PDE6G: variants seen among roughly 807,000 people sequenced by gnomAD.
PDE6G encodes phosphodiesterase 6G.
Under a neutral mutation model 10.9 loss-of-function variants are expected in PDE6G, and 10 were observed. The ratio of observed to expected loss-of-function variants is 0.91; its 90% CI spans 0.56 to 1.55. The LOEUF (loss-of-function observed/expected upper bound fraction) is 1.55, where lower values mean the gene tolerates loss of function less well. PDE6G is among the 40% of genes most tolerant of loss of function. The probability of loss-of-function intolerance (pLI) is 0.00; values close to 1 mark genes in which losing one functional copy is unlikely to be tolerated. For missense variants in PDE6G, 102 were observed against 110.1 expected (o/e 0.93, Z 0.33); for synonymous variants, 41 against 42.8 (o/e 0.96, Z 0.16).
rs892999230 is a variant in PDE6G, at chr17:81,651,455, C to T, written c.187+190G>A. On this transcript the variant is annotated intron_variant, in intron 3 of 3. Transcript: ENST00000331056. The surrounding 1 kb of genome is among the most constrained non-coding windows in gnomAD (Gnocchi z 4.8). ...CTGGTGCAAGTGTCCCAAATGGGGA[C>T]AGCCCCACCCTCTAGATCCAGTGGA... Among the ~76,000 whole-genome samples the T allele has an allele frequency of 3.3e-5, 5 of 151,962 alleles. No homozygotes were observed. The highest frequency in any genetic ancestry group is 7.3e-5 in the African/African-American group (3 of 41,346).
At position 81,653,643 on chromosome 17, in the gene PDE6G, C is replaced by T. The variant is rs576278042; in HGVS notation, c.-59-279G>A. ...TCCTGGCCTCCCTCGCCCCGGCCCA[C>T]AATCCACAGCAAACCTAGCCTCCCA... On this transcript the variant is annotated intron_variant, in intron 1 of 3. Coordinates refer to ENST00000331056, the MANE Select transcript of PDE6G (RefSeq NM_002602.4). The surrounding 1 kb of genome is among the most constrained non-coding windows in gnomAD (Gnocchi z 5.2). 2.4e-5 allele frequency: 9 copies of T among 380,722 alleles called. No individual in the cohort carries two copies. The East Asian group carries it at 4.5e-4, about 19-fold the overall frequency. 23.6% of individuals were successfully genotyped at this position (380,722 alleles called of 1,614,324 possible).
rs2036395358 is a variant in PDE6G at position 81,653,321 on chromosome 17, G to A, written c.-16C>T. 1 of 1,611,014 alleles carries A rather than the reference G, an allele frequency of 6.2e-7. No individual in the cohort carries two copies. The highest frequency in any genetic ancestry group is 1.7e-5 in the Admixed American group (1 of 60,008). ...CCAGGTTCATGGTGAGGCTGACGGA[G>A]ACACCGCGGCAACCTTGGCTCCTGG... On this transcript the variant is annotated 5_prime_UTR_variant, in exon 2 of 4. Coordinates refer to ENST00000331056, the MANE Select transcript of PDE6G (RefSeq NM_002602.4). This position sits in a 1 kb window ranked among gnomAD's most constrained non-coding sequence, Gnocchi z 5.2.
chr17:81,661,858 C>CAAA (rs33915100), intron 1 of PDE6G, among the ~76,000 whole-genome samples: 17 of 65,358 alleles, frequency 2.6e-4, no homozygotes, highest in East Asian at 9.2e-4. Flanking sequence ...GACTCTGTCT[C>CAAA]AAAAAAAAAA....
At chr17:81,652,155 G>A (rs989759595) in intron 2 of PDE6G, among the ~76,000 whole-genome samples, 4 of 151,496 alleles carry the variant, frequency 2.6e-5, no homozygotes, top group Non-Finnish European at 5.9e-5. Flanking sequence ...GCCTGTGTGC[G>A]CACACGAGTG....
At chr17:81,657,750 A>G (rs1015273318), upstream of PDE6G, among the ~76,000 whole-genome samples, 6 of 151,894 alleles carry the variant, frequency 4.0e-5, no homozygotes, top group African/African-American at 7.3e-5. Context: ...GCGTGGTGGC[A>G]TGTACCTGTA....
intron 1 of PDE6G, among the ~76,000 whole-genome samples, chr17:81,654,822 A>G (rs2036422151): frequency 6.8e-6 from 1 of 146,872 alleles, no homozygotes; most frequent in African/African-American, 2.5e-5. Flanking sequence ...ATCTCAGCTC[A>G]CTGCAAGCTC....
intron 1 of PDE6G, among the ~76,000 whole-genome samples, chr17:81,662,188 C>T (rs2036518663): frequency 6.6e-6 from 1 of 152,098 alleles, no homozygotes; most frequent in Non-Finnish European, 1.5e-5. Context: ...CCACGTTGGG[C>T]ACATGTTGCC....
rs772515553 is a variant in PDE6G, at chr17:81,651,093, G to C, written c.245C>G (p.Ala82Gly). 6.2e-7 allele frequency: 1 copy of C among 1,613,432 alleles called. No homozygotes were observed. Among genetic ancestry groups the C allele is most frequent in the South Asian group, 1.1e-5 (1 of 91,078 alleles). The change falls in exon 4 of 4, where the codon GCC becomes GGC. Residue 82 changes from alanine (A) to glycine (G), a missense_variant. By Grantham distance (60) the Ala-to-Gly change is moderately conservative. Transcript: ENST00000331056. The surrounding 1 kb of genome is among the most constrained non-coding windows in gnomAD (Gnocchi z 4.8). ...AFNHLELHEL[A>G]QYGII ...CTCGTGCTAGATGATGCCATATTGG[G>C]CCAGCTCGTGCAGCTCCAGGTGGTT...
intron 1 of PDE6G, among the ~76,000 whole-genome samples, chr17:81,656,001 CT>C (rs1191705941): frequency 6.6e-6 from 1 of 152,162 alleles, no homozygotes; most frequent in African/African-American, 2.4e-5. Flanking sequence ...AAAACCAGCA[CT>C]CAGGAGCCCG....
chr17:81,655,791 C>T (rs1394912880), intron 1 of PDE6G, among the ~76,000 whole-genome samples: 1 of 152,222 alleles, frequency 6.6e-6, no homozygotes. Context: ...TTCCTGACTC[C>T]AGCCCTGGGC....
At chr17:81,659,159 T>TG (rs1194383500), upstream of PDE6G, among the ~76,000 whole-genome samples, 7 of 149,218 alleles carry the variant, frequency 4.7e-5, no homozygotes, top group Non-Finnish European at 1.0e-4. Context: ...ATCTTTTTTT[T>TG]TTTTTTTTTT....
upstream of PDE6G, among the ~76,000 whole-genome samples, chr17:81,659,668 C>T (rs1310825730): frequency 6.6e-6 from 1 of 152,186 alleles, no homozygotes; most frequent in East Asian, 1.9e-4. Context: ...TCGTTCACCA[C>T]ATTTTCATAT....
At chr17:81,652,612 G>C (rs2036378407) in intron 2 of PDE6G, among the ~76,000 whole-genome samples, 1 of 149,602 alleles carries the variant, frequency 6.7e-6, no homozygotes, top group Non-Finnish European at 1.5e-5. Flanking sequence ...TGTTCTTCTT[G>C]TTGCCCAGCC....
In PDE6G at chr17:81,656,495, AGTGCAGGGC is replaced by A; in HGVS notation, c.-71_-63del. Reference sequence around the variant, plus strand: ...CAGCGGGGTTGGCCACTACTCACCAAGTGCAGGGCGGGTCTCAGGGGGCTGTGCTGTGAG... The same window carrying A: ...CAGCGGGGTTGGCCACTACTCACCAAGGGTCTCAGGGGGCTGTGCTGTGAG... On this transcript the variant is annotated 5_prime_UTR_variant, in exon 1 of 4. Transcript: ENST00000331056. The A allele has an allele frequency of 1.3e-6, 1 of 763,140 alleles. No individual in the cohort carries two copies. The highest frequency in any genetic ancestry group is 2.4e-6 in the Non-Finnish European group (1 of 417,136). 47.3% of individuals were successfully genotyped at this position (763,140 alleles called of 1,614,324 possible).
chr17:81,661,720 C>T (rs12945148), intron 1 of PDE6G, among the ~76,000 whole-genome samples: 13,283 of 151,868 alleles, frequency 0.087, 835 homozygotes, highest in East Asian at 0.22. Context: ...ATTAGCCATG[C>T]GTGGTGGTGG....
At chr17:81,652,368 C>T (rs2036372091) in intron 2 of PDE6G, among the ~76,000 whole-genome samples, 1 of 152,148 alleles carries the variant, frequency 6.6e-6, no homozygotes, top group Non-Finnish European at 1.5e-5. Flanking sequence ...GCTCTGCCTC[C>T]CGGGTTCACA....
At chr17:81,657,813 G>A (rs1038466545), upstream of PDE6G, among the ~76,000 whole-genome samples, 11 of 151,848 alleles carry the variant, frequency 7.2e-5, no homozygotes, top group African/African-American at 2.2e-4. Context: ...CCCGGGAGGC[G>A]GAGCTTGCAG....
intron 1 of PDE6G, chr17:81,663,001 G>A (rs1274425191): frequency 2.6e-5 from 4 of 152,220 alleles, no homozygotes; most frequent in Admixed American, 6.5e-5. Context: ...ATGGACCTGG[G>A]TCTTTGGGCG....
At chr17:81,656,894 T>G, upstream of PDE6G, 1 of 460,724 alleles carries the variant, frequency 2.2e-6, no homozygotes, top group East Asian at 4.1e-5. Context: ...CTCTGCAGCC[T>G]GGCCCTCACC....
Sources: allele counts gnomAD v4.1 joint callset (sites outside exome capture counted in the v4.1 genomes callset), GRCh38; gene constraint gnomAD v4.1.1; non-coding constraint Gnocchi (gnomAD v3.1); transcripts MANE v1.5; gene names NCBI Gene and HGNC (gene_info 2026-07-23, HGNC 2026-07-21).